Variants in SLCO6A1 observed in about 807,000 individuals in gnomAD.
The protein encoded by SLCO6A1 is cancer/testis antigen 48.
Under a neutral mutation model 72.7 loss-of-function variants are expected in SLCO6A1, and 65 were observed. The ratio of observed to expected loss-of-function variants is 0.89; its 90% CI spans 0.73 to 1.10. The LOEUF is 1.10. SLCO6A1 is among the 50% of genes least tolerant of loss of function. The pLI is 0.00. For synonymous variants in SLCO6A1, 314 were observed against 298.2 expected (o/e 1.05, Z -0.55); for missense variants, 874 against 872.6 (o/e 1.00, Z -0.02).
rs369329269 is a variant in SLCO6A1, at chr5:102,475,415, GAAC to G, written c.899+279_899+281del. ...GTCAGACTCTCAGAAAACAAAAGTA[GAAC>G]AATGATTGCATTTTTGCAAGATGCA... On this transcript the variant is annotated intron_variant, in intron 4 of 13. Coordinates refer to ENST00000506729, the MANE Select transcript of SLCO6A1 (RefSeq NM_173488.5). Among the ~76,000 whole-genome samples, 838 of 152,076 alleles carry G rather than the reference GAAC, an allele frequency of 5.5e-3. 4 individuals are homozygous for G. Among genetic ancestry groups the G allele is most frequent in the African/African-American group, 0.019 (805 of 41,512 alleles).
At chr5:102,405,728 C>A (rs1327930089) in intron 9 of SLCO6A1, among the ~76,000 whole-genome samples, 1 of 152,040 alleles carries the variant, frequency 6.6e-6, no homozygotes, top group Non-Finnish European at 1.5e-5. Flanking sequence ...AAACTCACAT[C>A]TTCATGAATG....
intron 7 of SLCO6A1, among the ~76,000 whole-genome samples, chr5:102,432,095 G>T (rs1254437044): frequency 6.6e-6 from 1 of 152,034 alleles, no homozygotes; most frequent in Admixed American, 6.6e-5. Flanking sequence ...TCGCTTGGTA[G>T]ATTTTTCTTC....
rs142162608 is a variant in SLCO6A1 at position 102,459,188 on chromosome 5, T to C, written c.1021+468A>G. ...GCGTTGTGAAGCTAAGGTGGAAGGA[T>C]AGTTTGAGGCCAGGAGTTTAAGACT... On this transcript the variant is annotated intron_variant, in intron 5 of 13. Transcript: ENST00000506729. Among the ~76,000 whole-genome samples, 29 of 152,224 alleles carry C rather than the reference T, an allele frequency of 1.9e-4. No homozygotes were observed. The East Asian group carries it at 5.2e-3, about 27-fold the overall frequency.
chr5:102,432,290 T>C (rs546806039), intron 7 of SLCO6A1, among the ~76,000 whole-genome samples: 4 of 152,288 alleles, frequency 2.6e-5, no homozygotes, highest in African/African-American at 4.8e-5. Context: ...TTGTTAGCTG[T>C]TTATTATGCT....
chr5:102,458,428 T>A lies in SLCO6A1; in HGVS notation c.1085A>T (p.Asp362Val). ...QLHFFDSRLKDLKLGTNIKDL... is the reference protein window; with the variant it reads ...QLHFFDSRLKVLKLGTNIKDL... ...CTTGATATTAGTTCCAAGTTTCAGA[T>A]CTTTAAGTCTGCTGTCAAAAAAATG... The change falls in exon 6 of 14, where the codon GAT becomes GTT. Residue 362 changes from aspartate (D) to valine (V), a missense_variant. By Grantham distance (152) the Asp-to-Val change is radical. Coordinates refer to ENST00000506729, the MANE Select transcript of SLCO6A1 (RefSeq NM_173488.5). 4 of 1,613,078 alleles carry A rather than the reference T, an allele frequency of 2.5e-6. No individual in the cohort carries two copies. The highest frequency in any genetic ancestry group is 3.4e-6 in the Non-Finnish European group (4 of 1,179,476).
intron 10 of SLCO6A1, chr5:102,391,293 A>T: frequency 2.2e-6 from 1 of 452,160 alleles, no homozygotes; most frequent in South Asian, 3.3e-5. Flanking sequence ...TATGGCCCAA[A>T]TCCTCTTCCC....
At chr5:102,389,854 A>AAGTAT (rs10695130) in intron 11 of SLCO6A1, among the ~76,000 whole-genome samples, 1 of 150,938 alleles carries the variant, frequency 6.6e-6, no homozygotes, top group Non-Finnish European at 1.5e-5. Flanking sequence ...TATCTCCTGT[A>AAGTAT]TTTTTTCTTC....
intron 6 of SLCO6A1, among the ~76,000 whole-genome samples, chr5:102,447,192 C>A (rs545691167): frequency 6.6e-6 from 1 of 152,208 alleles, no homozygotes; most frequent in South Asian, 2.1e-4. Context: ...GTTGAACCAA[C>A]CTTGCATCCC....
At chr5:102,494,939 G>C (rs1385260720) in intron 1 of SLCO6A1, among the ~76,000 whole-genome samples, 1 of 152,140 alleles carries the variant, frequency 6.6e-6, no homozygotes. Context: ...ATATGTATAT[G>C]CAATTCCTCT....
intron 1 of SLCO6A1, 46 bp downstream of exon 1, chr5:102,498,441 G>A (rs1299547169): frequency 1.3e-6 from 2 of 1,556,480 alleles, no homozygotes; most frequent in Non-Finnish European, 1.7e-6. Context: ...CCGCCAGTGC[G>A]GCCCCAGCTG....
intron 7 of SLCO6A1, among the ~76,000 whole-genome samples, chr5:102,422,318 A>G (rs1748652587): frequency 6.6e-6 from 1 of 152,202 alleles, no homozygotes; most frequent in Non-Finnish European, 1.5e-5. Flanking sequence ...GGTAATAACA[A>G]ACTCCTCTGA....
intron 1 of SLCO6A1, 33 bp from the exon 2 acceptor site, chr5:102,480,467 A>G (rs753856669): frequency 1.9e-6 from 3 of 1,580,348 alleles, no homozygotes; most frequent in Non-Finnish European, 2.6e-6. Context: ...GAAAACAACG[A>G]TATGCATTTT....
At chr5:102,415,598 A>G (rs1748239384) in intron 8 of SLCO6A1, among the ~76,000 whole-genome samples, 1 of 152,162 alleles carries the variant, frequency 6.6e-6, no homozygotes. Flanking sequence ...TCCAAACTCT[A>G]AAAATACCAG....
At chr5:102,469,021 G>C (rs553656699) in intron 4 of SLCO6A1, among the ~76,000 whole-genome samples, 14 of 152,098 alleles carry the variant, frequency 9.2e-5, no homozygotes, top group Non-Finnish European at 1.6e-4. Context: ...TGGTCTATAT[G>C]TCTGCTTTGG....
chr5:102,396,688 C>T (rs906432019), intron 10 of SLCO6A1, among the ~76,000 whole-genome samples: 1 of 151,982 alleles, frequency 6.6e-6, no homozygotes, highest in African/African-American at 2.4e-5. Flanking sequence ...TTGTTGTTCA[C>T]TTTTATTTTG....
chr5:102,397,084 C>G (rs1177625202), intron 10 of SLCO6A1, among the ~76,000 whole-genome samples: 1 of 152,042 alleles, frequency 6.6e-6, no homozygotes, highest in Non-Finnish European at 1.5e-5. Flanking sequence ...GTTCTGTGGC[C>G]ATGATTGTTT....
chr5:102,498,207 G>A (rs1382945175), intron 1 of SLCO6A1, among the ~76,000 whole-genome samples: 3 of 152,198 alleles, frequency 2.0e-5, no homozygotes, highest in Non-Finnish European at 4.4e-5. Flanking sequence ...AAAAAACTCT[G>A]GTCTCCCGCA....
At chr5:102,373,244 GCA>G (rs1750722736) in intron 13 of SLCO6A1, 91 bp downstream of exon 13, 2 of 741,762 alleles carry the variant, frequency 2.7e-6, no homozygotes, top group Non-Finnish European at 3.7e-6. Flanking sequence ...ATTATATGAA[GCA>G]CATTTGTTAA....
intron 9 of SLCO6A1, among the ~76,000 whole-genome samples, chr5:102,400,328 A>G (rs1414895872): frequency 2.0e-5 from 3 of 152,000 alleles, no homozygotes; most frequent in Non-Finnish European, 4.4e-5. Context: ...TAAAATGAAT[A>G]TATAATGATG....
Sources: allele counts gnomAD v4.1 joint callset (sites outside exome capture counted in the v4.1 genomes callset), GRCh38; gene constraint gnomAD v4.1.1; transcripts MANE v1.5; gene names NCBI Gene and HGNC (gene_info 2026-07-23, HGNC 2026-07-21).